The following ADAM10 variants were observed in gnomAD, a reference collection of about 807,000 sequenced individuals.
ADAM10 encodes disintegrin and metalloproteinase domain-containing protein 10.
In ADAM10, 17 loss-of-function variants were observed where a neutral mutation model predicts 90.1. The observed-to-expected ratio is 0.19, with a 90% CI of 0.13 to 0.28. ADAM10 has a LOEUF of 0.28. Among genes scored for constraint, ADAM10 ranks in the 10% least tolerant of loss-of-function variants. The pLI is 1.00. For missense variants in ADAM10, 610 were observed against 914.3 expected, an observed-to-expected ratio of 0.67 and a Z score of 4.29; for synonymous variants, 310 against 298.6, an observed-to-expected ratio of 1.04 and a Z score of -0.40.
rs116880613 is a variant in ADAM10 at position 58,684,076 on chromosome 15, T to A, written c.207-1762A>T. Among the ~76,000 whole-genome samples the A allele has an allele frequency of 7.8e-3, 1,188 of 152,228 alleles. 52 individuals carry two copies. Among genetic ancestry groups the A allele is most frequent in the East Asian group, 0.062 (321 of 5,188 alleles). On this transcript the variant is annotated intron_variant, in intron 2 of 15. Coordinates refer to ENST00000260408, the MANE Select transcript of ADAM10 (RefSeq NM_001110.4). ...CTTTAAATCATCTCAAAATTACTTATAATACCTCACACAGTATAAATTCTA... is the reference window on the plus strand; with the variant it reads ...CTTTAAATCATCTCAAAATTACTTAAAATACCTCACACAGTATAAATTCTA...
At chr15:58,697,329 C>T (rs1183880709) in intron 2 of ADAM10, among the ~76,000 whole-genome samples, 1 of 152,112 alleles carries the variant, frequency 6.6e-6, no homozygotes, top group Non-Finnish European at 1.5e-5. Context: ...TGAAAGCAAC[C>T]CTTCCCTCCC....
At chr15:58,749,229 G>C (rs1899895125) in intron 1 of ADAM10, among the ~76,000 whole-genome samples, 1 of 152,160 alleles carries the variant, frequency 6.6e-6, no homozygotes, top group South Asian at 2.1e-4. Context: ...CCGCCTCCCG[G>C]GGCCGCCAGG....
intron 2 of ADAM10, among the ~76,000 whole-genome samples, chr15:58,694,019 C>T (rs1202751527): frequency 6.6e-6 from 1 of 152,166 alleles, no homozygotes; most frequent in Admixed American, 6.5e-5. Context: ...AATATATTAT[C>T]ACATACCCTT....
intron 3 of ADAM10, among the ~76,000 whole-genome samples, chr15:58,679,832 C>G (rs772435741): frequency 6.6e-6 from 1 of 152,130 alleles, no homozygotes; most frequent in Non-Finnish European, 1.5e-5. Flanking sequence ...CACTTGAACC[C>G]TGGAGGCGGA....
intron 10 of ADAM10, among the ~76,000 whole-genome samples, chr15:58,623,437 A>G (rs1566970842): frequency 6.6e-6 from 1 of 152,146 alleles, no homozygotes; most frequent in Non-Finnish European, 1.5e-5. Flanking sequence ...TCTTAACCAC[A>G]TCGACTATTT....
At chr15:58,710,838 C>A (rs1458373889) in intron 2 of ADAM10, among the ~76,000 whole-genome samples, 2 of 152,188 alleles carry the variant, frequency 1.3e-5, no homozygotes, top group Non-Finnish European at 2.9e-5. Context: ...CTTACCTCTG[C>A]TTCTCAAAGT....
At chr15:58,658,636 T>C (rs1208109643) in intron 5 of ADAM10, among the ~76,000 whole-genome samples, 1 of 152,202 alleles carries the variant, frequency 6.6e-6, no homozygotes, top group African/African-American at 2.4e-5. Flanking sequence ...ACAAAGTTTA[T>C]TTCTCAATTT....
chr15:58,747,771 T>C (rs1302168920), intron 1 of ADAM10: 1 of 152,180 alleles, frequency 6.6e-6, no homozygotes. Context: ...GTATAAGAGT[T>C]TTAACCCACA....
chr15:58,625,204 A>C (rs1348548542), intron 10 of ADAM10, among the ~76,000 whole-genome samples: 1 of 152,220 alleles, frequency 6.6e-6, no homozygotes, highest in Non-Finnish European at 1.5e-5. Flanking sequence ...AAGAACTGTG[A>C]AAAGGGCGAA....
intron 2 of ADAM10, chr15:58,692,852 C>G (rs948655006): frequency 2.1e-5 from 14 of 664,982 alleles, no homozygotes; most frequent in Non-Finnish European, 4.0e-5. Context: ...GACTGAAAAG[C>G]CTCCATAAAT....
intron 2 of ADAM10, chr15:58,686,519 C>G: frequency 7.0e-7 from 1 of 1,424,032 alleles, no homozygotes; most frequent in Non-Finnish European, 9.8e-7. Flanking sequence ...AGAGCTTCAA[C>G]AGTACTGTAT....
intron 1 of ADAM10, among the ~76,000 whole-genome samples, chr15:58,737,496 A>G (rs146052354): frequency 1.8e-4 from 28 of 152,284 alleles, no homozygotes; most frequent in Admixed American, 5.2e-4. Flanking sequence ...CCCTCAACTG[A>G]TAACTACTAT....
chr15:58,738,019 A>C (rs1368052759), intron 1 of ADAM10, among the ~76,000 whole-genome samples: 2 of 152,232 alleles, frequency 1.3e-5, no homozygotes, highest in African/African-American at 4.8e-5. Flanking sequence ...TTGATATTAC[A>C]GATCTTCCTA....
At chr15:58,650,764 AAT>A (rs1896664821) in intron 5 of ADAM10, among the ~76,000 whole-genome samples, 1 of 152,182 alleles carries the variant, frequency 6.6e-6, no homozygotes, top group African/African-American at 2.4e-5. Context: ...CGTATATGGA[AAT>A]ATACATACAC....
At chr15:58,629,671 T>C (rs533820132) in intron 9 of ADAM10, among the ~76,000 whole-genome samples, 13 of 152,310 alleles carry the variant, frequency 8.5e-5, no homozygotes, top group Non-Finnish European at 1.6e-4. Flanking sequence ...AATCATAATC[T>C]ACCATGCACT....
At position 58,655,714 on chromosome 15, in the gene ADAM10, T is replaced by TATC. The variant is rs1367870075; in HGVS notation, c.585+9382_585+9383insGAT. ...ATATATAGTATATATATATATAGTA[T>TATC]ATATATATATATATATATATATATA... On this transcript the variant is annotated intron_variant, in intron 5 of 15. Coordinates refer to ENST00000260408, the MANE Select transcript of ADAM10 (RefSeq NM_001110.4). 7.5e-3 allele frequency among the ~76,000 whole-genome samples: 432 copies of TATC among 57,334 alleles called. 36 individuals are homozygous for TATC. The highest frequency in any genetic ancestry group is 0.043 in the African/African-American group (375 of 8,740). 37.6% of individuals were successfully genotyped at this position (57,334 alleles called of 152,430 possible). A position where few individuals can be genotyped will look rare whatever the true frequency, so the allele number is the denominator to read the frequency against.
chr15:58,668,965 T>G (rs1323540975), intron 4 of ADAM10, among the ~76,000 whole-genome samples: 1 of 152,204 alleles, frequency 6.6e-6, no homozygotes, highest in Non-Finnish European at 1.5e-5. Context: ...CGGCAAAGTG[T>G]GTTCTAAATT....
At chr15:58,619,310 G>C (rs1215469238) in intron 11 of ADAM10, among the ~76,000 whole-genome samples, 1 of 152,162 alleles carries the variant, frequency 6.6e-6, no homozygotes, top group Non-Finnish European at 1.5e-5. Flanking sequence ...GAGTAGAATG[G>C]TGTTACAAGA....
intron 3 of ADAM10, among the ~76,000 whole-genome samples, chr15:58,681,600 T>A (rs996297532): frequency 1.3e-5 from 2 of 152,216 alleles, no homozygotes; most frequent in African/African-American, 2.4e-5. Flanking sequence ...TTTTTTAAGC[T>A]TTTTTATGAC....
Sources: gnomAD v4.1 joint callset for allele counts (sites outside exome capture counted in the v4.1 genomes callset) on GRCh38, gnomAD v4.1.1 for gene constraint, MANE v1.5 for transcripts, NCBI Gene and HGNC (gene_info 2026-07-23, HGNC 2026-07-21) for gene names.